The following PPM1L variants were observed in gnomAD, a reference collection of about 807,000 sequenced individuals.
The protein encoded by PPM1L is protein phosphatase 1L.
Under a neutral mutation model 31.4 loss-of-function variants are expected in PPM1L, and 13 were observed. The ratio of observed to expected loss-of-function variants is 0.41; its 90% CI spans 0.27 to 0.66. The LOEUF is 0.66. Among genes scored for constraint, PPM1L ranks in the 30% least tolerant of loss-of-function variants. PPM1L has a pLI of 0.29. For missense variants in PPM1L, 326 were observed against 453.7 expected (o/e 0.72, Z 2.56); for synonymous variants, 184 against 175.4 (o/e 1.05, Z -0.39).
intron 2 of PPM1L, among the ~76,000 whole-genome samples, chr3:160,999,065 G>T (rs1045198351): frequency 1.3e-5 from 2 of 152,160 alleles, no homozygotes; most frequent in African/African-American, 2.4e-5. Flanking sequence ...TGCAATTTTG[G>T]TGCAATGTTG....
At chr3:160,873,389 T>A (rs936840247) in intron 1 of PPM1L, among the ~76,000 whole-genome samples, 9 of 152,182 alleles carry the variant, frequency 5.9e-5, no homozygotes, top group Admixed American at 2.6e-4. Context: ...GAAAATTTTG[T>A]TCTGAATTCA....
intron 1 of PPM1L, among the ~76,000 whole-genome samples, chr3:160,830,594 A>G (rs983583654): frequency 3.9e-5 from 6 of 152,094 alleles, no homozygotes; most frequent in East Asian, 2.0e-4. Flanking sequence ...TTGCTCTAAA[A>G]TCTGAGGATT....
chr3:160,974,233 G>C (rs1716470630), intron 2 of PPM1L, among the ~76,000 whole-genome samples: 1 of 151,394 alleles, frequency 6.6e-6, no homozygotes, highest in Non-Finnish European at 1.5e-5. Flanking sequence ...AGTATTCCAT[G>C]GTGTATATGT....
intron 1 of PPM1L, among the ~76,000 whole-genome samples, chr3:160,879,940 T>G (rs1712649659): frequency 6.6e-6 from 1 of 152,156 alleles, no homozygotes; most frequent in African/African-American, 2.4e-5. Context: ...GAGATGATGC[T>G]TCCTTTCATC....
intron 2 of PPM1L, among the ~76,000 whole-genome samples, chr3:160,962,202 A>G (rs1202521800): frequency 6.6e-6 from 1 of 152,138 alleles, no homozygotes; most frequent in Non-Finnish European, 1.5e-5. Context: ...TAGCAACTGA[A>G]AACTTTTACA....
chr3:160,949,809 T>C (rs776509675), intron 1 of PPM1L, among the ~76,000 whole-genome samples: 12 of 152,210 alleles, frequency 7.9e-5, no homozygotes, highest in Admixed American at 1.3e-4. Context: ...CATAGTACAT[T>C]GTGGTGACAA....
intron 1 of PPM1L, among the ~76,000 whole-genome samples, chr3:160,956,951 A>G (rs192130851): frequency 2.7e-4 from 41 of 152,356 alleles, no homozygotes; most frequent in African/African-American, 8.9e-4. Context: ...GGGGAACACA[A>G]TAGTGTGTAA....
chr3:161,068,755 C>G, intron 3 of PPM1L, 56 bp from the exon 4 acceptor site: 4 of 1,429,116 alleles, frequency 2.8e-6, no homozygotes, highest in Non-Finnish European at 3.8e-6. Flanking sequence ...CCTAGACTAT[C>G]CCAGGTAAGT....
intron 2 of PPM1L, among the ~76,000 whole-genome samples, chr3:161,033,737 C>T (rs979557347): frequency 2.4e-4 from 36 of 152,126 alleles, no homozygotes; most frequent in South Asian, 6.2e-4. Context: ...ACCATAAAAA[C>T]CCTAGAAGAA....
chr3:160,881,898 A>C (rs944952566), intron 1 of PPM1L, among the ~76,000 whole-genome samples: 2 of 152,154 alleles, frequency 1.3e-5, no homozygotes, highest in African/African-American at 4.8e-5. Flanking sequence ...AAAAATACAA[A>C]AAATTAGCCG....
chr3:160,857,563 C>CT (rs1272554369), intron 1 of PPM1L, among the ~76,000 whole-genome samples: 3 of 152,002 alleles, frequency 2.0e-5, no homozygotes, highest in East Asian at 1.9e-4. Context: ...TATAATAGTC[C>CT]TTTTTTGTGT....
intron 2 of PPM1L, among the ~76,000 whole-genome samples, chr3:161,061,835 A>T (rs1719580667): frequency 6.6e-6 from 1 of 152,162 alleles, no homozygotes; most frequent in Admixed American, 6.5e-5. Context: ...CTCTCATCAA[A>T]TTCAGATATT....
chr3:160,847,830 C>T (rs1368243985), intron 1 of PPM1L, among the ~76,000 whole-genome samples: 2 of 152,160 alleles, frequency 1.3e-5, no homozygotes, highest in African/African-American at 4.8e-5. Context: ...TTCTTCTTGC[C>T]TGGAACACCA....
chr3:160,978,108 G>T (rs577655950), intron 2 of PPM1L, among the ~76,000 whole-genome samples: 2 of 152,344 alleles, frequency 1.3e-5, no homozygotes, highest in East Asian at 3.9e-4. Context: ...CACTTATGGA[G>T]TTGGGCTCAT....
In PPM1L at chr3:161,060,302, G is replaced by A. The variant is rs773757818; in HGVS notation, c.575-5101G>A. 1.7e-4 allele frequency among the ~76,000 whole-genome samples: 26 copies of A among 152,200 alleles called. 1 individual carries two copies. Among genetic ancestry groups the A allele is most frequent in the Middle Eastern group, 3.4e-3 (1 of 294 alleles). On this transcript the variant is annotated intron_variant, in intron 2 of 3. Transcript: ENST00000498165. ...AGAACAGCGAGTACAAAAGCCCAAA[G>A]ATGACAAAAAGGTTGGCATGTATGG...
chr3:160,783,964 T>C (rs1024644972), intron 1 of PPM1L, among the ~76,000 whole-genome samples: 2 of 152,214 alleles, frequency 1.3e-5, no homozygotes, highest in Non-Finnish European at 2.9e-5. Context: ...GAATCCTACA[T>C]TTATTTTAGG....
At chr3:160,905,849 T>G (rs908221942) in intron 1 of PPM1L, among the ~76,000 whole-genome samples, 2 of 152,154 alleles carry the variant, frequency 1.3e-5, no homozygotes, top group Admixed American at 1.3e-4. Context: ...AAAACATTTT[T>G]TTAAAAATCA....
intron 2 of PPM1L, among the ~76,000 whole-genome samples, chr3:161,034,305 C>T (rs1394416156): frequency 1.3e-5 from 2 of 152,086 alleles, no homozygotes; most frequent in Non-Finnish European, 2.9e-5. Flanking sequence ...GGATCTAGAA[C>T]CAGAATTACC....
chr3:160,778,205 G>GT (rs56800487), intron 1 of PPM1L, among the ~76,000 whole-genome samples: 58,146 of 151,630 alleles, frequency 0.38, 12,063 homozygotes, highest in East Asian at 0.59. Flanking sequence ...TATTATTTAA[G>GT]TTTTTTGCCT....
Sources: allele counts gnomAD v4.1 joint callset (sites outside exome capture counted in the v4.1 genomes callset), GRCh38; gene constraint gnomAD v4.1.1; transcripts MANE v1.5; gene names NCBI Gene and HGNC (gene_info 2026-07-23, HGNC 2026-07-21).